The following FAM227B variants were observed in gnomAD, a reference collection of about 807,000 sequenced individuals.
FAM227B encodes protein FAM227B.
In FAM227B, 88 loss-of-function variants were observed where a neutral mutation model predicts 73.8. The ratio of observed to expected loss-of-function variants is 1.19; its 90% confidence interval spans 1.00 to 1.42. FAM227B has a LOEUF of 1.42. FAM227B is among the 40% of genes most tolerant of loss of function. The probability of loss-of-function intolerance (pLI) is 0.00; values close to 1 mark genes in which losing one functional copy is unlikely to be tolerated. For synonymous variants in FAM227B, 210 were observed against 190.5 expected (o/e 1.10, Z -0.84); for missense variants, 632 against 590.9 (o/e 1.07, Z -0.72).
intron 7 of FAM227B, 47 bp from the exon 8 acceptor site, chr15:49,575,156 A>G (rs879489991): frequency 2.0e-6 from 2 of 1,025,616 alleles, no homozygotes; most frequent in Non-Finnish European, 3.0e-6. Flanking sequence ...AAAATATATT[A>G]CAAAACATGT....
rs1432118918 is a variant in FAM227B, at chr15:49,525,687, T to C, written c.874+15993A>G. ...AGAAATATATATATATATATATATA[T>C]ATATATATATATATATATATATATA... On this transcript the variant is annotated intron_variant, in intron 10 of 15. Coordinates refer to ENST00000299338, the MANE Select transcript of FAM227B (RefSeq NM_152647.3). 3.0e-3 allele frequency among the ~76,000 whole-genome samples: 172 copies of C among 57,026 alleles called. 6 individuals are homozygous for C. Among genetic ancestry groups the C allele is most frequent in the Admixed American group, 0.012 (75 of 6,182 alleles). 37.4% of individuals were successfully genotyped at this position (57,026 alleles called of 152,430 possible). A position where few individuals can be genotyped will look rare whatever the true frequency, so the allele number is the denominator to read the frequency against.
At chr15:49,568,669 C>T (rs1259670936) in intron 8 of FAM227B, among the ~76,000 whole-genome samples, 1 of 151,928 alleles carries the variant, frequency 6.6e-6, no homozygotes, top group Non-Finnish European at 1.5e-5. Flanking sequence ...TAGCACAGTA[C>T]CTGGCAACAA....
At chr15:49,386,634 A>C (rs2046901655) in intron 11 of FAM227B, among the ~76,000 whole-genome samples, 1 of 151,934 alleles carries the variant, frequency 6.6e-6, no homozygotes. Flanking sequence ...GCTAGAAGAA[A>C]AGAAATAACA....
intron 11 of FAM227B, among the ~76,000 whole-genome samples, chr15:49,420,849 G>C (rs2049563662): frequency 6.6e-6 from 1 of 152,102 alleles, no homozygotes; most frequent in Admixed American, 6.6e-5. Flanking sequence ...GGGACTACAG[G>C]CGCCCGCTAC....
intron 13 of FAM227B, among the ~76,000 whole-genome samples, chr15:49,340,406 C>G (rs2040516434): frequency 8.3e-6 from 1 of 119,842 alleles, no homozygotes; most frequent in Admixed American, 8.1e-5. Context: ...GTGCCCCGCC[C>G]CCCCCCTCCC....
intron 13 of FAM227B, among the ~76,000 whole-genome samples, chr15:49,349,757 C>A (rs2041991060): frequency 6.6e-6 from 1 of 152,140 alleles, no homozygotes; most frequent in Non-Finnish European, 1.5e-5. Context: ...TGGGCTTATA[C>A]AGAGAGTGAC....
At chr15:49,618,178 A>T (rs912809817) in intron 1 of FAM227B, among the ~76,000 whole-genome samples, 7 of 152,340 alleles carry the variant, frequency 4.6e-5, no homozygotes, top group African/African-American at 1.7e-4. Flanking sequence ...GGGGGCCATT[A>T]TTCTATCTAC....
At chr15:49,445,246 G>C (rs1002316796) in intron 11 of FAM227B, among the ~76,000 whole-genome samples, 1 of 151,592 alleles carries the variant, frequency 6.6e-6, no homozygotes, top group Non-Finnish European at 1.5e-5. Flanking sequence ...GTACCCAATA[G>C]TTAAGTTTTC....
intron 8 of FAM227B, among the ~76,000 whole-genome samples, chr15:49,569,395 CTTCT>C (rs1424974300): frequency 1.3e-5 from 2 of 151,254 alleles, no homozygotes; most frequent in East Asian, 1.9e-4. Flanking sequence ...TATTTCCTTC[CTTCT>C]GTTAACTTAG....
At chr15:49,353,279 G>A (rs557041701) in intron 13 of FAM227B, among the ~76,000 whole-genome samples, 1 of 152,104 alleles carries the variant, frequency 6.6e-6, no homozygotes, top group African/African-American at 2.4e-5. Context: ...TACTGCTGAA[G>A]AGTCCTCTTC....
At chr15:49,590,934 G>C (rs896840942) in intron 3 of FAM227B, among the ~76,000 whole-genome samples, 4 of 150,864 alleles carry the variant, frequency 2.7e-5, no homozygotes, top group Non-Finnish European at 5.9e-5. Context: ...TTTGTGCCTG[G>C]CTTATTTTAC....
At chr15:49,351,849 G>A (rs1206931389) in intron 13 of FAM227B, among the ~76,000 whole-genome samples, 11 of 152,214 alleles carry the variant, frequency 7.2e-5, no homozygotes, top group Admixed American at 7.2e-4. Context: ...TTAGTCAGTG[G>A]ATGTGGGCTA....
chr15:49,395,948 G>A (rs1336714507), intron 11 of FAM227B: 1 of 455,882 alleles, frequency 2.2e-6, no homozygotes, highest in African/African-American at 2.0e-5. Flanking sequence ...AAAGAACAGA[G>A]GAGAACAAAA....
intron 11 of FAM227B, among the ~76,000 whole-genome samples, chr15:49,435,402 G>T (rs1193376423): frequency 6.6e-6 from 1 of 151,604 alleles, no homozygotes; most frequent in African/African-American, 2.4e-5. Context: ...TGGATCACCT[G>T]TTTCAACTAT....
At chr15:49,351,200 A>T (rs747352471) in intron 13 of FAM227B, among the ~76,000 whole-genome samples, 27 of 152,232 alleles carry the variant, frequency 1.8e-4, no homozygotes, top group Non-Finnish European at 3.1e-4. Context: ...GTGTGTGATT[A>T]TACACTGTGC....
rs1308693132 is a variant in FAM227B at position 49,328,009 on chromosome 15, A to G, written c.*559T>C. 3.7e-6 allele frequency: 6 copies of G among 1,613,982 alleles called. No homozygotes were observed. The highest frequency in any genetic ancestry group is 1.1e-5 in the South Asian group (1 of 91,082). ...GAGCAGGATGGGGAGGCTGCACAGT[A>G]TCAATGGTACCTGCGGACAAGCTGC... On this transcript the variant is annotated 3_prime_UTR_variant, in exon 16 of 16. Transcript: ENST00000299338.
chr15:49,464,739 T>C (rs924938418), intron 11 of FAM227B, among the ~76,000 whole-genome samples: 2 of 152,184 alleles, frequency 1.3e-5, no homozygotes, highest in Non-Finnish European at 2.9e-5. Context: ...TCAGGAAGAA[T>C]GTAAGACACA....
At position 49,547,142 on chromosome 15, in the gene FAM227B, A is replaced by G. The variant is rs188565556; in HGVS notation, c.748-5336T>C. On this transcript the variant is annotated intron_variant, in intron 9 of 15. Transcript: ENST00000299338. ...CCAATATTCAACATTCTTAAAGAAA[A>G]GAATTTTCAGCCCAGAATCTCATAT... Among the ~76,000 whole-genome samples the G allele has an allele frequency of 2.8e-3, 431 of 152,370 alleles. 3 individuals carry two copies. Among genetic ancestry groups the G allele is most frequent in the African/African-American group, 0.01 (421 of 41,592 alleles).
chr15:49,611,600 T>C (rs1376866016), intron 2 of FAM227B, among the ~76,000 whole-genome samples: 1 of 152,190 alleles, frequency 6.6e-6, no homozygotes, highest in Non-Finnish European at 1.5e-5. Context: ...ATAGCCTCTA[T>C]AATAAATCCA....
Sources: gnomAD v4.1 joint callset for allele counts (sites outside exome capture counted in the v4.1 genomes callset) on GRCh38, gnomAD v4.1.1 for gene constraint, MANE v1.5 for transcripts, NCBI Gene and HGNC (gene_info 2026-07-23, HGNC 2026-07-21) for gene names.